Variants in BEX5 observed in about 807,000 individuals in gnomAD.
BEX5 encodes protein BEX5.
Under a neutral mutation model 1.4 loss-of-function variants are expected in BEX5, and 2 were observed. The observed-to-expected ratio is 1.42, with a 90% CI of 0.58 to 4.47. The LOEUF is 4.47. BEX5 is among the 30% of genes most tolerant of loss of function. BEX5 has a pLI of 0.06. For synonymous variants in BEX5, 32 were observed against 30.0 expected, an observed-to-expected ratio of 1.07 and a Z score of -0.21; for missense variants, 97 against 87.3, an observed-to-expected ratio of 1.11 and a Z score of -0.44.
rs1214448929 is a variant in BEX5 at position 102,153,863 on chromosome X, A to G, written c.*67T>C. On this transcript the variant is annotated 3_prime_UTR_variant, in exon 3 of 3. Transcript: ENST00000333643. ...TGCAGAAGAATGCCAAAAGGTTCAC[A>G]TTAAAGGTACACCAGGAAAAATGCG... The G allele has an allele frequency of 3.0e-6, 3 of 989,885 alleles. No homozygotes were observed. Among genetic ancestry groups the G allele is most frequent in the Non-Finnish European group, 4.1e-6 (3 of 725,947 alleles). 81.6% of individuals were successfully genotyped at this position (989,885 alleles called of 1,213,427 possible).
rs1933220391 is a variant in BEX5 at position 102,154,207 on chromosome X, G to A, written c.59C>T (p.Ala20Val). The A allele has an allele frequency of 3.3e-6, 4 of 1,208,643 alleles. No homozygotes were observed. In the East Asian group the frequency reaches 8.9e-5, roughly 27 times the overall value. Residue 20 changes from alanine to valine, a missense_variant, in exon 3 of 3, where the codon GCC becomes GTC. Physicochemically the swap from Ala to Val is moderately conservative, Grantham distance 64. Transcript: ENST00000333643. The stretch of plus-strand genomic sequence containing the variant: ...GTATTCACCACCTCCTAAAGCGGGG[G>A]CTTCATTCTGCACTGGGGCCTTCTC... ...VVEKAPVQNE[A>V]PALGGGEYQE... is the part of the protein sequence containing the mutation.
In BEX5 at chrX:102,153,990, G is replaced by A; in HGVS notation, c.276C>T (p.Arg92=). The change falls in exon 3 of 3, where the codon CGC becomes CGT. Residue 92 remains arginine (R), a synonymous_variant. Coordinates refer to ENST00000333643, the MANE Select transcript of BEX5 (RefSeq NM_001012978.3). ...IRELQLRYSL[R]ILIGDPPHHD... is the part of the protein sequence containing the mutation. Reference sequence around the variant, plus strand: ...GGTGAGGAGGGTCCCCTATAAGAATGCGCAGACTGTACCTCAACTGAAGTT... The same window carrying A: ...GGTGAGGAGGGTCCCCTATAAGAATACGCAGACTGTACCTCAACTGAAGTT... The A allele has an allele frequency of 8.3e-7, 1 of 1,210,503 alleles. No homozygotes were observed. Among genetic ancestry groups the A allele is most frequent in the Non-Finnish European group, 1.1e-6 (1 of 895,148 alleles).
Position 102,154,029 on chromosome X carries a change from C to T in BEX5, c.237G>A (p.Arg79=), listed in dbSNP as rs1933215296. 8.3e-7 allele frequency: 1 copy of T among 1,207,442 alleles called. No individual in the cohort carries two copies. Among genetic ancestry groups the T allele is most frequent in the African/African-American group, 1.8e-5 (1 of 56,407 alleles). Residue 79 remains arginine (R), a synonymous_variant, in exon 3 of 3, where the codon AGG becomes AGA. Transcript: ENST00000333643. ...TCAACTGAAGTTCCCTAATTTTCCTCCTTAGCTCTCTCATCTCCTCCATGA... is the reference window on the plus strand; with the variant it reads ...TCAACTGAAGTTCCCTAATTTTCCTTCTTAGCTCTCTCATCTCCTCCATGA... The part of the protein sequence containing the change: ...ERFMEEMREL[R]RKIRELQLRY...
chrX:102,153,876 C>T lies in BEX5; in HGVS notation c.*54G>A, dbSNP rs1933211689. On this transcript the variant is annotated 3_prime_UTR_variant, in exon 3 of 3. Transcript: ENST00000333643. ...CAAAAGGTTCACATTAAAGGTACAC[C>T]AGGAAAAATGCGAATTTAGAAAGCA... 1.9e-6 allele frequency: 2 copies of T among 1,045,636 alleles called. No homozygotes were observed. Among genetic ancestry groups the T allele is most frequent in the South Asian group, 2.4e-5 (1 of 41,802 alleles). The allele number at this position is 1,045,636 out of a possible 1,213,427, so 86.2% of individuals were successfully genotyped here. A position where few individuals can be genotyped will look rare whatever the true frequency, so the allele number is the denominator to read the frequency against.
chrX:102,154,363 G>A, intron 2 of BEX5, 61 bp from the exon 3 acceptor site: 1 of 828,700 alleles, frequency 1.2e-6, no homozygotes, highest in East Asian at 3.4e-5. Flanking sequence ...GCTCTGTTTG[G>A]CAAAGGTTTT....
In BEX5 at chrX:102,154,023, T is replaced by G; in HGVS notation, c.243A>C (p.Lys81Asn). Residue 81 changes from lysine to asparagine, a missense_variant, in exon 3 of 3, where the codon AAA (lysine) becomes AAC (asparagine). Transcript: ENST00000333643. ...FMEEMRELRR[K>N]IRELQLRYSL... The stretch of plus-strand genomic sequence containing the variant: ...TGTACCTCAACTGAAGTTCCCTAAT[T>G]TTCCTCCTTAGCTCTCTCATCTCCT... The G allele has an allele frequency of 8.3e-7, 1 of 1,210,349 alleles. No homozygotes were observed. The highest frequency in any genetic ancestry group is 1.1e-6 in the Non-Finnish European group (1 of 895,106).
At position 102,154,737 on chromosome X, in the gene BEX5, C is replaced by T. The variant is rs1933231463; in HGVS notation, c.-38+7G>A. 1 of 116,046 alleles carries T rather than the reference C, an allele frequency of 8.6e-6. No homozygotes were observed. Among genetic ancestry groups the T allele is most frequent in the Non-Finnish European group, 1.8e-5 (1 of 55,216 alleles). 9.6% of individuals were successfully genotyped at this position (116,046 alleles called of 1,213,427 possible). A position where few individuals can be genotyped will look rare whatever the true frequency, so the allele number is the denominator to read the frequency against. On this transcript the variant is annotated splice_region_variant and intron_variant, in intron 2 of 2. Coordinates refer to ENST00000333643, the MANE Select transcript of BEX5 (RefSeq NM_001012978.3). ...CCTACACCAGAGGGCCCCAGGCAACCTCCTACCTTCAGGGATCAGAGGCAG... is the reference window on the plus strand; with the variant it reads ...CCTACACCAGAGGGCCCCAGGCAACTTCCTACCTTCAGGGATCAGAGGCAG...
rs782680359 is a variant in BEX5 at position 102,154,365 on chromosome X, A to G, written c.-37-63T>C. ...GATAGGATTCAGAGCTCTGTTTGGC[A>G]AAGGTTTTCCCACCTGAGAAACTTT... is the stretch of plus-strand genomic sequence containing the variant. On this transcript the variant is annotated intron_variant, in intron 2 of 2. Coordinates refer to ENST00000333643, the MANE Select transcript of BEX5 (RefSeq NM_001012978.3). 13 of 810,506 alleles carry G rather than the reference A, an allele frequency of 1.6e-5. No individual in the cohort carries two copies. In the East Asian group the frequency reaches 3.4e-4, roughly 21 times the overall value. The allele number at this position is 810,506 out of a possible 1,213,427, so 66.8% of individuals were successfully genotyped here.
Position 102,154,070 on chromosome X carries a change from C to G in BEX5, c.196G>C (p.Asp66His). 1.7e-6 allele frequency: 2 copies of G among 1,210,175 alleles called. No homozygotes were observed. The highest frequency in any genetic ancestry group is 2.2e-6 in the Non-Finnish European group (2 of 895,134). ...TCCTCCATGAACCGTTCCATATCAT[C>G]TCCATCTCCATCTATCATATCAATG... ...DNIDMIDGDG[D>H]DMERFMEEMR... The change falls in exon 3 of 3, where the codon GAT becomes CAT. Residue 66 changes from aspartate to histidine, a missense_variant. Asp to His is a moderately conservative substitution (Grantham distance 81, BLOSUM62 -1). Coordinates refer to ENST00000333643, the MANE Select transcript of BEX5 (RefSeq NM_001012978.3).
chrX:102,155,038 T>A (rs1182029990), intron 1 of BEX5, among the ~76,000 whole-genome samples: 1 of 111,852 alleles, frequency 8.9e-6, no homozygotes, highest in African/African-American at 3.3e-5. Flanking sequence ...ATCTCTACTG[T>A]TTCCTCTTAC....
At position 102,154,182 on chromosome X, in the gene BEX5, G is replaced by C. The variant is rs782501603; in HGVS notation, c.84C>G (p.Tyr28Ter). 1.7e-6 allele frequency: 2 copies of C among 1,207,592 alleles called. No individual in the cohort carries two copies. Among genetic ancestry groups the C allele is most frequent in the Admixed American group, 2.2e-5 (1 of 45,489 alleles). Reference sequence around the variant, plus strand: ...CTTTAACATTTCCTCCAGGCTCCTGGTATTCACCACCTCCTAAAGCGGGGG... The same window carrying C: ...CTTTAACATTTCCTCCAGGCTCCTGCTATTCACCACCTCCTAAAGCGGGGG... Reference protein sequence around the residue: ...NEAPALGGGEYQEPGGNVKGV... With the variant: ...NEAPALGGGE The change falls in exon 3 of 3, where the codon TAC becomes TAG. Residue 28 changes from tyrosine (Y) to a stop codon, truncating the protein, a stop_gained. Transcript: ENST00000333643. LOFTEE classifies it low-confidence loss of function (END_TRUNC).
Position 102,153,781 on chromosome X carries a change from C to A in BEX5, c.*149G>T. ...CTTTCCATGAAAGTTGATGAAAGTCCTCTTCTGACAGAAAAACTTACAGAC... is the reference window on the plus strand; with the variant it reads ...CTTTCCATGAAAGTTGATGAAAGTCATCTTCTGACAGAAAAACTTACAGAC... On this transcript the variant is annotated 3_prime_UTR_variant, in exon 3 of 3. Coordinates refer to ENST00000333643, the MANE Select transcript of BEX5 (RefSeq NM_001012978.3). The A allele has an allele frequency of 2.1e-6, 1 of 476,456 alleles. No individual in the cohort carries two copies. The highest frequency in any genetic ancestry group is 4.2e-5 in the Admixed American group (1 of 23,902). The allele number at this position is 476,456 out of a possible 1,213,427, so 39.3% of individuals were successfully genotyped here.
At chrX:102,154,598 T>G (rs1933229615) in intron 2 of BEX5, 146 bp downstream of exon 2, 2 of 101,720 alleles carry the variant, frequency 2.0e-5, no homozygotes, top group Admixed American at 3.5e-4. Context: ...ACTCCCTTCT[T>G]CCCTCATCAG....
In BEX5 at chrX:102,153,932, A is replaced by T; in HGVS notation, c.334T>A (p.Ter112ArgextTer22). 5 of 1,188,447 alleles carry T rather than the reference A, an allele frequency of 4.2e-6. No homozygotes were observed. Among genetic ancestry groups the T allele is most frequent in the Non-Finnish European group, 5.7e-6 (5 of 882,425 alleles). The change falls in exon 3 of 3, where the codon TGA becomes AGA. Residue 112 changes from the stop codon to arginine (R), a stop_lost. Transcript: ENST00000333643. ...TTTATGATTATTAACCTCAAGATTCAAGGCATAAGGCAAAACTCATCATGA... is the reference window on the plus strand; with the variant it reads ...TTTATGATTATTAACCTCAAGATTCTAGGCATAAGGCAAAACTCATCATGA... The part of the protein sequence containing the change: ...DHHDEFCLMP[*>R]
intron 2 of BEX5, 117 bp downstream of exon 2, chrX:102,154,627 T>C (rs1933230267): frequency 7.1e-6 from 1 of 141,020 alleles, no homozygotes; most frequent in Non-Finnish European, 1.4e-5. Context: ...TGTCATTTTA[T>C]GAAGACTCTC....
At position 102,153,754 on chromosome X, in the gene BEX5, A is replaced by C. The variant is rs964597613; in HGVS notation, c.*176T>G. The C allele has an allele frequency of 1.6e-5, 7 of 427,422 alleles. No homozygotes were observed. Among genetic ancestry groups the C allele is most frequent in the Non-Finnish European group, 2.8e-5 (7 of 253,151 alleles). The allele number at this position is 427,422 out of a possible 1,213,427, so 35.2% of individuals were successfully genotyped here. A position where few individuals can be genotyped will look rare whatever the true frequency, so the allele number is the denominator to read the frequency against. On this transcript the variant is annotated 3_prime_UTR_variant, in exon 3 of 3. Coordinates refer to ENST00000333643, the MANE Select transcript of BEX5 (RefSeq NM_001012978.3). Reference sequence around the variant, plus strand: ...ATTAACTTTACAGTATGCAATAAACATCTTTCCATGAAAGTTGATGAAAGT... The same window carrying C: ...ATTAACTTTACAGTATGCAATAAACCTCTTTCCATGAAAGTTGATGAAAGT...
At chrX:102,154,592 C>T (rs1933229582) in intron 2 of BEX5, 152 bp downstream of exon 2, 2 of 130,616 alleles carry the variant, frequency 1.5e-5, no homozygotes, top group Non-Finnish European at 2.5e-5. Context: ...CCCTCTACTC[C>T]CTTCTTCCCT....
rs201286223 is a variant in BEX5, at chrX:102,154,315, A to C, written c.-37-13T>G. ...TTTTTTTTTCTTCCTAGAAGATAAA[A>C]AGCAAGAAGAGGGAATGAATGCTTG... On this transcript the variant is annotated splice_polypyrimidine_tract_variant and intron_variant, in intron 2 of 2. Transcript: ENST00000333643. 1,281 of 1,035,622 alleles carry C rather than the reference A, an allele frequency of 1.2e-3. No individual in the cohort carries two copies. The highest frequency in any genetic ancestry group is 1.6e-3 in the Non-Finnish European group (1,206 of 775,010). 85.3% of individuals were successfully genotyped at this position (1,035,622 alleles called of 1,213,427 possible). A position where few individuals can be genotyped will look rare whatever the true frequency, so the allele number is the denominator to read the frequency against.
Position 102,153,739 on chromosome X carries a change from C to T in BEX5, c.*191G>A, listed in dbSNP as rs1933208953. On this transcript the variant is annotated 3_prime_UTR_variant, in exon 3 of 3. Transcript: ENST00000333643. ...CTTTTAAATTGCTTTATTAACTTTACAGTATGCAATAAACATCTTTCCATG... is the reference window on the plus strand; with the variant it reads ...CTTTTAAATTGCTTTATTAACTTTATAGTATGCAATAAACATCTTTCCATG... 2.5e-6 allele frequency: 1 copy of T among 394,686 alleles called. No homozygotes were observed. Among genetic ancestry groups the T allele is most frequent in the Non-Finnish European group, 4.3e-6 (1 of 233,263 alleles). The allele number at this position is 394,686 out of a possible 1,213,427, so 32.5% of individuals were successfully genotyped here.
Sources: allele counts gnomAD v4.1 joint callset (sites outside exome capture counted in the v4.1 genomes callset), GRCh38; gene constraint gnomAD v4.1.1; transcripts MANE v1.5; gene names NCBI Gene and HGNC (gene_info 2026-07-23, HGNC 2026-07-21).